Variants in UMODL1 observed in about 807,000 individuals in gnomAD.
UMODL1 encodes uromodulin like 1.
Under a neutral mutation model 136.3 loss-of-function variants are expected in UMODL1, and 128 were observed. The observed-to-expected ratio is 0.94, with a 90% CI of 0.81 to 1.09. The LOEUF is 1.09. Among genes scored for constraint, UMODL1 ranks in the 50% least tolerant of loss-of-function variants. The probability of loss-of-function intolerance (pLI) is 0.00; values close to 1 mark genes in which losing one functional copy is unlikely to be tolerated. For synonymous variants in UMODL1, 721 were observed against 720.0 expected (o/e 1.00, Z -0.02); for missense variants, 1,766 against 1,725.6 (o/e 1.02, Z -0.41).
chr21:42,105,828 G>T (rs1025970817), intron 9 of UMODL1, among the ~76,000 whole-genome samples: 2 of 152,074 alleles, frequency 1.3e-5, no homozygotes, highest in Non-Finnish European at 2.9e-5. Flanking sequence ...GCTGTTTCAG[G>T]CCCCCCAGCT....
intron 14 of UMODL1, among the ~76,000 whole-genome samples, chr21:42,117,795 G>A (rs763132015): frequency 1.3e-5 from 2 of 152,204 alleles, no homozygotes; most frequent in Non-Finnish European, 2.9e-5. Context: ...AGGTTAAATA[G>A]TAGTTAGAAT....
rs149697381 is a variant in UMODL1, at chr21:42,126,020, C to T, written c.3148-325C>T. ...GGGAATTTGTCTCTGATGACTCACC[C>T]AGTCCCTGAAATCCACAAGAGCTCT... On this transcript the variant is annotated intron_variant, in intron 17 of 22. Transcript: ENST00000408910. 3.3e-5 allele frequency among the ~76,000 whole-genome samples: 5 copies of T among 152,332 alleles called. No homozygotes were observed. The East Asian group carries it at 7.7e-4, about 24-fold the overall frequency.
At chr21:42,082,540 G>A (rs887473688) in intron 2 of UMODL1, among the ~76,000 whole-genome samples, 11 of 152,292 alleles carry the variant, frequency 7.2e-5, no homozygotes, top group African/African-American at 2.4e-4. Flanking sequence ...GGCACCCACC[G>A]TCAGGGTGGC....
At chr21:42,067,158 G>C (rs2066189859), upstream of UMODL1, among the ~76,000 whole-genome samples, 3 of 152,036 alleles carry the variant, frequency 2.0e-5, no homozygotes, top group African/African-American at 7.2e-5. Context: ...ATTTTTAGTA[G>C]AGATGGAGTT....
chr21:42,085,459 G>T lies in UMODL1; in HGVS notation c.603+47G>T, dbSNP rs370145411. 8 of 1,612,066 alleles carry T rather than the reference G, an allele frequency of 5.0e-6. No individual in the cohort carries two copies. Among genetic ancestry groups the T allele is most frequent in the East Asian group, 4.5e-5 (2 of 44,868 alleles). On this transcript the variant is annotated intron_variant, in intron 4 of 22. Transcript: ENST00000408910. The surrounding 1 kb of genome is among the most constrained non-coding windows in gnomAD (Gnocchi z 4.5). ...TGCCTGCACCCTCCTTGTGGCAGCT[G>T]CTCAGGCAGACCCAGGTATGGGGCC... is the stretch of plus-strand genomic sequence containing the variant.
intron 15 of UMODL1, 98 bp downstream of exon 15, chr21:42,119,422 C>T (rs1398359667): frequency 7.6e-6 from 8 of 1,048,646 alleles, no homozygotes; most frequent in African/African-American, 6.3e-5. Flanking sequence ...TCGTGTTGTG[C>T]CCATGTGGTC....
In UMODL1 at chr21:42,111,582, A is replaced by G; in HGVS notation, c.1976A>G (p.His659Arg). Residue 659 changes from histidine (H) to arginine (R), a missense_variant, in exon 12 of 23, where the codon CAT becomes CGT. His to Arg is a conservative substitution (Grantham distance 29, BLOSUM62 0). Transcript: ENST00000408910. ...TEDPTGHFLWHATRSTRETLL... is the reference protein window; with the variant it reads ...TEDPTGHFLWRATRSTRETLL... ...GACCCCACCGGCCACTTCCTGTGGC[A>G]TGCCACCCGTTCCACCCGGGAAACA... 1 of 1,614,116 alleles carries G rather than the reference A, an allele frequency of 6.2e-7. No individual in the cohort carries two copies. Among genetic ancestry groups the G allele is most frequent in the Non-Finnish European group, 8.5e-7 (1 of 1,179,992 alleles).
chr21:42,063,695 C>A (rs532338968), intron 1 of UMODL1, among the ~76,000 whole-genome samples: 146 of 152,338 alleles, frequency 9.6e-4, no homozygotes, highest in African/African-American at 3.3e-3. Context: ...AAGGAGCTAT[C>A]GTGAACATTG....
intron 20 of UMODL1, among the ~76,000 whole-genome samples, chr21:42,129,220 T>C (rs1355140247): frequency 6.6e-6 from 1 of 152,144 alleles, no homozygotes; most frequent in Non-Finnish European, 1.5e-5. Context: ...GGTGCTGGGA[T>C]TTAGGACTTC....
In UMODL1 at chr21:42,123,889, G is replaced by C. The variant is rs552323535; in HGVS notation, c.3147+739G>C. On this transcript the variant is annotated intron_variant, in intron 17 of 22. Coordinates refer to ENST00000408910, the MANE Select transcript of UMODL1 (RefSeq NM_001004416.3). The surrounding 1 kb of genome is among the most constrained non-coding windows in gnomAD (Gnocchi z 4.4). The stretch of plus-strand genomic sequence containing the variant: ...TCCTAGCGAACATTCTCTATTTCAG[G>C]GTCCTGGATGGGCTGTGGGGCTCCC... Among the ~76,000 whole-genome samples, 124 of 152,326 alleles carry C rather than the reference G, an allele frequency of 8.1e-4. 1 individual carries two copies. The highest frequency in any genetic ancestry group is 3.7e-3 in the South Asian group (18 of 4,830).
intron 13 of UMODL1, among the ~76,000 whole-genome samples, chr21:42,114,951 C>T (rs2066883834): frequency 6.6e-6 from 1 of 152,206 alleles, no homozygotes; most frequent in Non-Finnish European, 1.5e-5. Flanking sequence ...CTGGGTTGCT[C>T]ATGCCAGCCA....
At chr21:42,082,530 G>A (rs2066373993) in intron 2 of UMODL1, among the ~76,000 whole-genome samples, 1 of 152,210 alleles carries the variant, frequency 6.6e-6, no homozygotes, top group African/African-American at 2.4e-5. Context: ...AGGGGGGCAT[G>A]GCACCCACCG....
chr21:42,068,998 C>T (rs1454050462), upstream of UMODL1, among the ~76,000 whole-genome samples: 1 of 152,110 alleles, frequency 6.6e-6, no homozygotes, highest in Non-Finnish European at 1.5e-5. The surrounding 1 kb of genome is among the most constrained non-coding windows in gnomAD (Gnocchi z 5.5). Flanking sequence ...AGGCCCTGAG[C>T]GAATTTGGGG....
At chr21:42,083,385 C>T (rs1011880113) in intron 2 of UMODL1, among the ~76,000 whole-genome samples, 12 of 151,964 alleles carry the variant, frequency 7.9e-5, no homozygotes, top group South Asian at 2.1e-4. Flanking sequence ...ATCCTGTGGA[C>T]GCCCCCACCT....
intron 17 of UMODL1, among the ~76,000 whole-genome samples, chr21:42,125,896 G>A (rs1037153639): frequency 1.3e-5 from 2 of 152,232 alleles, no homozygotes; most frequent in African/African-American, 4.8e-5. Context: ...GCCCTGGGCA[G>A]AGCCTGCAGC....
At chr21:42,105,920 A>G (rs1396575493) in intron 9 of UMODL1, among the ~76,000 whole-genome samples, 2 of 152,076 alleles carry the variant, frequency 1.3e-5, no homozygotes, top group African/African-American at 2.4e-5. Context: ...CATTCGCAGC[A>G]CCCCACTCCC....
At chr21:42,082,795 G>A (rs556252023) in intron 2 of UMODL1, among the ~76,000 whole-genome samples, 2 of 152,332 alleles carry the variant, frequency 1.3e-5, no homozygotes, top group African/African-American at 4.8e-5. Context: ...GACCCCTGGG[G>A]TTCGGTTTCT....
At chr21:42,091,122 C>T (rs2839465) in intron 6 of UMODL1, among the ~76,000 whole-genome samples, 33,541 of 152,130 alleles carry the variant, frequency 0.22, 3,893 homozygotes, top group East Asian at 0.36. Context: ...GCCACCCTCG[C>T]ATCTTCTTTG....
rs752761983 is a variant in UMODL1 at position 42,071,400 on chromosome 21, G to A, written c.76+8G>A. The A allele has an allele frequency of 1.3e-6, 2 of 1,577,054 alleles. No homozygotes were observed. Among genetic ancestry groups the A allele is most frequent in the Non-Finnish European group, 1.7e-6 (2 of 1,162,302 alleles). On this transcript the variant is annotated splice_region_variant and intron_variant, in intron 1 of 22. Transcript: ENST00000408910. ...AGGCCAGCGGCTTCACAGGTGAGGG[G>A]TCTGGGCTTGGCATGGGCAGTTCTT...
Sources: allele counts gnomAD v4.1 joint callset (sites outside exome capture counted in the v4.1 genomes callset), GRCh38; gene constraint gnomAD v4.1.1; non-coding constraint Gnocchi (gnomAD v3.1); transcripts MANE v1.5; gene names NCBI Gene and HGNC (gene_info 2026-07-23, HGNC 2026-07-21).